Variants in C20orf204 observed in about 807,000 individuals in gnomAD.
C20orf204 encodes the protein chromosome 20 open reading frame 204.
Under a neutral mutation model 3.6 loss-of-function variants are expected in C20orf204, and 6 were observed. The ratio of observed to expected loss-of-function variants is 1.68; its 90% CI spans 0.92 to 3.31. The LOEUF is 3.31. C20orf204 is among the 30% of genes most tolerant of loss of function. The pLI, the probability that C20orf204 is intolerant of heterozygous loss-of-function variation, is 0.00. For synonymous variants in C20orf204, 80 were observed against 41.4 expected (o/e 1.93, Z -3.58); for missense variants, 167 against 89.7 (o/e 1.86, Z -3.48).
At chr20:64,038,484 C>T (rs2059347279) in intron 3 of C20orf204, 36 bp downstream of exon 3, 7 of 687,546 alleles carry the variant, frequency 1.0e-5, no homozygotes, top group Non-Finnish European at 1.9e-5. Context: ...GCCAGACCTC[C>T]CTTAACCCCC....
Position 64,038,996 on chromosome 20 carries a change from C to G in C20orf204, c.*237C>G. 1.4e-6 allele frequency: 1 copy of G among 695,396 alleles called. No individual in the cohort carries two copies. 43.1% of individuals were successfully genotyped at this position (695,396 alleles called of 1,614,324 possible). A position where few individuals can be genotyped will look rare whatever the true frequency, so the allele number is the denominator to read the frequency against. On this transcript the variant is annotated 3_prime_UTR_variant, in exon 4 of 4. Transcript: ENST00000636176. ...AATAAACGGAGCTGGCGCTGCGGGTCCGGCACTCCCTTCGCCTGCCTCTCT... is the reference window on the plus strand; with the variant it reads ...AATAAACGGAGCTGGCGCTGCGGGTGCGGCACTCCCTTCGCCTGCCTCTCT...
At chr20:64,037,436 G>C (rs1251598568) in intron 1 of C20orf204, 1 of 154,632 alleles carries the variant, frequency 6.5e-6, no homozygotes, top group Non-Finnish European at 1.4e-5. Context: ...AGTGAGACAG[G>C]CTGTACTGGG....
In C20orf204 at chr20:64,036,590, T is replaced by C. The variant is rs1202555612; in HGVS notation, c.3+264T>C. On this transcript the variant is annotated intron_variant, in intron 1 of 3. Transcript: ENST00000636176. ...CCTGGAAGTGGTACTAACAGGCCAGTTGGGACTCCCAGGGCAGCCAGTCTG... is the reference window on the plus strand; with the variant it reads ...CCTGGAAGTGGTACTAACAGGCCAGCTGGGACTCCCAGGGCAGCCAGTCTG... 5 of 152,412 alleles carry C rather than the reference T, an allele frequency of 3.3e-5. No homozygotes were observed. The East Asian group carries it at 9.6e-4, about 29-fold the overall frequency. 9.4% of individuals were successfully genotyped at this position (152,412 alleles called of 1,614,324 possible). A position where few individuals can be genotyped will look rare whatever the true frequency, so the allele number is the denominator to read the frequency against.
rs562989571 is a variant in C20orf204 at position 64,038,050 on chromosome 20, G to C, written c.127G>C (p.Glu43Gln). 211 of 516,246 alleles carry C rather than the reference G, an allele frequency of 4.1e-4. 1 individual carries two copies. Among genetic ancestry groups the C allele is most frequent in the Admixed American group, 6.7e-4 (17 of 25,472 alleles). 32.0% of individuals were successfully genotyped at this position (516,246 alleles called of 1,614,324 possible). The change falls in exon 2 of 4, where the codon GAG (glutamate) becomes CAG (glutamine). Residue 43 changes from glutamate to glutamine, a missense_variant. Glu to Gln is a conservative substitution (Grantham distance 29). Transcript: ENST00000636176. The stretch of plus-strand genomic sequence containing the variant: ...CCGCCACTATCGCGCCATCATCTTC[G>C]AGGATCTGCAGGCCGCCGTGAAGTG... ...VLRHYRAIIF[E>Q]DLQAAVKWGG...
chr20:64,038,785 G>C lies in C20orf204; in HGVS notation c.*26G>C. 1.4e-6 allele frequency: 1 copy of C among 696,986 alleles called. No individual in the cohort carries two copies. Among genetic ancestry groups the C allele is most frequent in the South Asian group, 1.5e-5 (1 of 66,130 alleles). The allele number at this position is 696,986 out of a possible 1,614,324, so 43.2% of individuals were successfully genotyped here. A position where few individuals can be genotyped will look rare whatever the true frequency, so the allele number is the denominator to read the frequency against. On this transcript the variant is annotated 3_prime_UTR_variant, in exon 4 of 4. Coordinates refer to ENST00000636176, the MANE Select transcript of C20orf204 (RefSeq NM_001387010.1). ...CGCGGCCCGTCCTGGCCCTGCGCGG[G>C]GAGGAGAACCAGCGGGGCCGCGGCA...
intron 1 of C20orf204, 187 bp downstream of exon 1, chr20:64,036,513 G>A (rs2059338094): frequency 6.5e-6 from 1 of 152,734 alleles, no homozygotes; most frequent in Non-Finnish European, 1.5e-5. Context: ...GTTGGGGGAG[G>A]GGGGCTCCTG....
intron 1 of C20orf204, chr20:64,036,566 C>G (rs980766947): frequency 6.6e-6 from 1 of 152,358 alleles, no homozygotes; most frequent in Non-Finnish European, 1.5e-5. Flanking sequence ...AGGCTTGAGC[C>G]TGGAAGTGGT....
chr20:64,033,796 C>T (rs1394638439), upstream of C20orf204, among the ~76,000 whole-genome samples: 4 of 152,212 alleles, frequency 2.6e-5, no homozygotes, highest in East Asian at 1.9e-4. Context: ...CGTGAGCCAC[C>T]GCACCCGGCC....
At position 64,038,878 on chromosome 20, in the gene C20orf204, C is replaced by A; in HGVS notation, c.*119C>A. 1.4e-6 allele frequency: 1 copy of A among 731,750 alleles called. No individual in the cohort carries two copies. The highest frequency in any genetic ancestry group is 2.3e-4 in the Middle Eastern group (1 of 4,300). The allele number at this position is 731,750 out of a possible 1,614,324, so 45.3% of individuals were successfully genotyped here. A position where few individuals can be genotyped will look rare whatever the true frequency, so the allele number is the denominator to read the frequency against. On this transcript the variant is annotated 3_prime_UTR_variant, in exon 4 of 4. Coordinates refer to ENST00000636176, the MANE Select transcript of C20orf204 (RefSeq NM_001387010.1). The stretch of plus-strand genomic sequence containing the variant: ...TCGGCCCCTCGCTCGACGCAGCCCG[C>A]GCTCCCCGGAGGGCCCAGGACTTGG...
Position 64,038,940 on chromosome 20 carries a change from G to A in C20orf204, c.*181G>A. 2.8e-6 allele frequency: 2 copies of A among 726,706 alleles called. No individual in the cohort carries two copies. Among genetic ancestry groups the A allele is most frequent in the Non-Finnish European group, 5.1e-6 (2 of 393,680 alleles). 45.0% of individuals were successfully genotyped at this position (726,706 alleles called of 1,614,324 possible). A position where few individuals can be genotyped will look rare whatever the true frequency, so the allele number is the denominator to read the frequency against. On this transcript the variant is annotated 3_prime_UTR_variant, in exon 4 of 4. Transcript: ENST00000636176. ...CGCCTGGCCGCCGCTGGGTCACGGAGGAGGCCCGCCCTCCACGCGCCGAAG... is the reference window on the plus strand; with the variant it reads ...CGCCTGGCCGCCGCTGGGTCACGGAAGAGGCCCGCCCTCCACGCGCCGAAG...
At chr20:64,038,549 G>A (rs1018218253) in intron 3 of C20orf204, 73 bp from the exon 4 acceptor site, 1 of 535,850 alleles carries the variant, frequency 1.9e-6, no homozygotes, top group Non-Finnish European at 3.2e-6. Context: ...GTCGGGCTGG[G>A]TCGCGTCTCC....
At chr20:64,038,598 C>A in intron 3 of C20orf204, 24 bp from the exon 4 acceptor site, 1 of 524,410 alleles carries the variant, frequency 1.9e-6, no homozygotes, top group South Asian at 2.6e-5. Flanking sequence ...CGTGCGCATT[C>A]GCTGACCGCC....
At chr20:64,036,529 C>G (rs915502796) in intron 1 of C20orf204, 1 of 152,708 alleles carries the variant, frequency 6.5e-6, no homozygotes, top group Non-Finnish European at 1.5e-5. Context: ...TCCTGGGTGC[C>G]GGGCAACCCT....
In C20orf204 at chr20:64,038,385, T is replaced by G; in HGVS notation, c.369T>G (p.Ala123=). ...GCCGCCGCGGGGCCCTGGAGAGAGCTGCTTGGACCGTGGCTGTGCGCACCG... is the reference window on the plus strand; with the variant it reads ...GCCGCCGCGGGGCCCTGGAGAGAGCGGCTTGGACCGTGGCTGTGCGCACCG... ...AGGRRGALER[A]AWTVAVRTEA... The change falls in exon 3 of 4, where the codon GCT becomes GCG. Residue 123 remains alanine (A), a synonymous_variant. Transcript: ENST00000636176. 1 of 769,886 alleles carries G rather than the reference T, an allele frequency of 1.3e-6. No individual in the cohort carries two copies. 47.7% of individuals were successfully genotyped at this position (769,886 alleles called of 1,614,324 possible).
upstream of C20orf204, among the ~76,000 whole-genome samples, chr20:64,033,756 C>T (rs2059328346): frequency 1.3e-5 from 2 of 152,220 alleles, no homozygotes; most frequent in South Asian, 2.1e-4. Flanking sequence ...ATCCATCTGC[C>T]TCAGCTTCCC....
At chr20:64,037,177 TG>T (rs911845630) in intron 1 of C20orf204, 11 of 152,258 alleles carry the variant, frequency 7.2e-5, no homozygotes, top group African/African-American at 2.7e-4. Flanking sequence ...AGGGATGGCG[TG>T]GGGCGGCTGG....
chr20:64,034,159 G>C (rs574829819), upstream of C20orf204, among the ~76,000 whole-genome samples: 1 of 152,334 alleles, frequency 6.6e-6, no homozygotes, highest in South Asian at 2.1e-4. Context: ...GAGAGCAGCT[G>C]TCCCTGGATG....
rs965546254 is a variant in C20orf204, at chr20:64,038,802, G to A, written c.*43G>A. The A allele has an allele frequency of 1.3e-5, 9 of 697,574 alleles. No individual in the cohort carries two copies. Among genetic ancestry groups the A allele is most frequent in the Admixed American group, 2.1e-5 (1 of 48,558 alleles). 43.2% of individuals were successfully genotyped at this position (697,574 alleles called of 1,614,324 possible). ...CTGCGCGGGGAGGAGAACCAGCGGG[G>A]CCGCGGCAGAGCCTGGAGACGCGCC... On this transcript the variant is annotated 3_prime_UTR_variant, in exon 4 of 4. Transcript: ENST00000636176.
At chr20:64,038,261 C>A in intron 2 of C20orf204, 35 bp from the exon 3 acceptor site, 1 of 743,274 alleles carries the variant, frequency 1.3e-6, no homozygotes, top group East Asian at 2.6e-5. Flanking sequence ...AGTTTCCCCC[C>A]ACCCCCACCC....
Sources: allele counts gnomAD v4.1 joint callset (sites outside exome capture counted in the v4.1 genomes callset), GRCh38; gene constraint gnomAD v4.1.1; transcripts MANE v1.5; gene names NCBI Gene and HGNC (gene_info 2026-07-23, HGNC 2026-07-21).